The following COG5 variants were observed in gnomAD, a reference collection of about 807,000 sequenced individuals.
The protein encoded by COG5 is component of oligomeric golgi complex 5, also known as conserved oligomeric Golgi complex subunit 5.
In COG5, 86 loss-of-function variants were observed where a neutral mutation model predicts 110.4. The ratio of observed to expected loss-of-function variants is 0.78; its 90% CI spans 0.65 to 0.93. The LOEUF is 0.93. COG5 is among the 40% of genes least tolerant of loss of function. The probability of loss-of-function intolerance (pLI) is 0.00; values close to 1 mark genes in which losing one functional copy is unlikely to be tolerated. For synonymous variants in COG5, 360 were observed against 334.6 expected, an observed-to-expected ratio of 1.08 and a Z score of -0.83; for missense variants, 1,077 against 987.0, an observed-to-expected ratio of 1.09 and a Z score of -1.22.
rs1281951378 is a variant in COG5, at chr7:107,557,987, G to C, written c.223C>G (p.Leu75Val). Reference protein sequence around the residue: ...AQGISQLDRELHLQVVARHED... With the variant: ...AQGISQLDREVHLQVVARHED... The stretch of plus-strand genomic sequence containing the variant: ...AAGATCAGAATTACCTGTAAGTGTA[G>C]TTCTCTGTCCAACTGACTGATTCCT... Residue 75 changes from leucine to valine, a missense_variant, in exon 2 of 22, where the codon CTA (leucine) becomes GTA (valine). By Grantham distance (32) the Leu-to-Val change is conservative. Transcript: ENST00000297135. 1.2e-6 allele frequency: 2 copies of C among 1,614,022 alleles called. No individual in the cohort carries two copies. Among genetic ancestry groups the C allele is most frequent in the Non-Finnish European group, 1.7e-6 (2 of 1,179,970 alleles).
intron 11 of COG5, among the ~76,000 whole-genome samples, chr7:107,317,680 G>A (rs771582273): frequency 4.6e-5 from 7 of 152,164 alleles, no homozygotes; most frequent in Non-Finnish European, 8.8e-5. Flanking sequence ...ATCAGTATTA[G>A]AGATGACAAA....
At chr7:107,326,625 G>A (rs915535731) in intron 10 of COG5, among the ~76,000 whole-genome samples, 11 of 152,090 alleles carry the variant, frequency 7.2e-5, no homozygotes, top group African/African-American at 2.2e-4. Context: ...AAAACTACAC[G>A]ATATGGTTGA....
intron 7 of COG5, among the ~76,000 whole-genome samples, chr7:107,376,356 T>G (rs1432735506): frequency 6.6e-6 from 1 of 151,998 alleles, no homozygotes; most frequent in Non-Finnish European, 1.5e-5. Context: ...ATTAACTCTA[T>G]AGATAAAATT....
intron 17 of COG5, among the ~76,000 whole-genome samples, chr7:107,237,884 T>C (rs1801323246): frequency 1.3e-5 from 2 of 152,188 alleles, no homozygotes; most frequent in Non-Finnish European, 2.9e-5. Flanking sequence ...AGCCTAGCTT[T>C]ACTCTAGGTT....
chr7:107,382,858 C>T (rs147552321), intron 7 of COG5, among the ~76,000 whole-genome samples: 30 of 152,262 alleles, frequency 2.0e-4, no homozygotes, highest in African/African-American at 6.7e-4. Context: ...TCTAAATTCA[C>T]TAGTTGTTTT....
At chr7:107,323,447 C>T (rs900941990) in intron 11 of COG5, among the ~76,000 whole-genome samples, 7 of 152,132 alleles carry the variant, frequency 4.6e-5, no homozygotes, top group African/African-American at 2.4e-5. Flanking sequence ...AGGAGAATTG[C>T]TTGAACCCAG....
chr7:107,348,410 C>A (rs1031354808), intron 10 of COG5, among the ~76,000 whole-genome samples: 2 of 152,002 alleles, frequency 1.3e-5, no homozygotes, highest in Admixed American at 1.3e-4. Context: ...TCTTGAAAAA[C>A]CATATGGGCC....
chr7:107,384,273 A>T (rs552217062), intron 7 of COG5, among the ~76,000 whole-genome samples: 19 of 152,058 alleles, frequency 1.2e-4, no homozygotes, highest in Non-Finnish European at 2.8e-4. Flanking sequence ...CTTCATCTTT[A>T]CCCTTCCATC....
chr7:107,498,586 A>G (rs899325307), intron 6 of COG5, among the ~76,000 whole-genome samples: 3 of 152,144 alleles, frequency 2.0e-5, no homozygotes, highest in Non-Finnish European at 4.4e-5. Flanking sequence ...ACCACCTCAC[A>G]TCCGTTAGAA....
At chr7:107,418,002 A>G (rs1793006446) in intron 6 of COG5, among the ~76,000 whole-genome samples, 1 of 152,162 alleles carries the variant, frequency 6.6e-6, no homozygotes, top group Non-Finnish European at 1.5e-5. Context: ...ACACAATCAT[A>G]AAATTATCTA....
At position 107,359,287 on chromosome 7, in the gene COG5, T is replaced by A. The variant is rs558382074; in HGVS notation, c.1026+2746A>T. Among the ~76,000 whole-genome samples, 4 of 152,312 alleles carry A rather than the reference T, an allele frequency of 2.6e-5. No individual in the cohort carries two copies. The South Asian group carries it at 8.3e-4, about 32-fold the overall frequency. On this transcript the variant is annotated intron_variant, in intron 10 of 21. Coordinates refer to ENST00000297135, the MANE Select transcript of COG5 (RefSeq NM_006348.5). ...GAGGCCGAGCCCAGGTGCTGTCACA[T>A]CTCAGCCAGGTGTGTGCAGACTCAG...
chr7:107,405,547 C>T (rs369333606), intron 7 of COG5, among the ~76,000 whole-genome samples: 1 of 152,208 alleles, frequency 6.6e-6, no homozygotes, highest in African/African-American at 2.4e-5. Context: ...GGAAGACAGA[C>T]ACACACAATT....
At chr7:107,259,385 T>C (rs1296412069) in intron 14 of COG5, among the ~76,000 whole-genome samples, 1 of 152,090 alleles carries the variant, frequency 6.6e-6, no homozygotes, top group African/African-American at 2.4e-5. Flanking sequence ...AAAAAGATAA[T>C]GCTTAACCAC....
intron 19 of COG5, among the ~76,000 whole-genome samples, chr7:107,221,867 T>C (rs1364341016): frequency 6.6e-6 from 1 of 152,174 alleles, no homozygotes; most frequent in Non-Finnish European, 1.5e-5. Flanking sequence ...TTCTCTCTTA[T>C]CTTTGGCTTC....
intron 6 of COG5, among the ~76,000 whole-genome samples, chr7:107,456,664 A>C (rs1795684709): frequency 6.6e-6 from 1 of 152,204 alleles, no homozygotes; most frequent in African/African-American, 2.4e-5. Context: ...AATTCTATAT[A>C]GGGACTCTTG....
intron 12 of COG5, among the ~76,000 whole-genome samples, chr7:107,289,565 G>A (rs960070168): frequency 3.9e-5 from 6 of 152,148 alleles, no homozygotes; most frequent in South Asian, 2.1e-4. Context: ...GATAGTTACT[G>A]TACTGAATCG....
chr7:107,500,083 GAA>G (rs1301435250), intron 6 of COG5, among the ~76,000 whole-genome samples: 2 of 152,080 alleles, frequency 1.3e-5, no homozygotes, highest in African/African-American at 4.8e-5. Flanking sequence ...CTGTAAAAAA[GAA>G]AGAATGGAAA....
At chr7:107,406,256 G>A (rs1189854721) in intron 7 of COG5, among the ~76,000 whole-genome samples, 2 of 152,106 alleles carry the variant, frequency 1.3e-5, no homozygotes, top group Admixed American at 1.3e-4. Context: ...ATAGTTCCCT[G>A]ACTCCTATTT....
chr7:107,492,111 C>T (rs1035555305), intron 6 of COG5, among the ~76,000 whole-genome samples: 3 of 151,420 alleles, frequency 2.0e-5, no homozygotes, highest in Admixed American at 6.6e-5. Flanking sequence ...AATTCTGGCA[C>T]TTTTCTGTCA....
Sources: allele counts gnomAD v4.1 joint callset (sites outside exome capture counted in the v4.1 genomes callset), GRCh38; gene constraint gnomAD v4.1.1; transcripts MANE v1.5; gene names NCBI Gene and HGNC (gene_info 2026-07-23, HGNC 2026-07-21).